SLC43A2: variants seen among roughly 807,000 people sequenced by gnomAD.
SLC43A2 encodes solute carrier family 43 member 2.
In SLC43A2, 38 loss-of-function variants were observed where a neutral mutation model predicts 63.2. The observed-to-expected ratio is 0.60, with a 90% CI of 0.46 to 0.79. The LOEUF (loss-of-function observed/expected upper bound fraction) is 0.79, where lower values mean the gene tolerates loss of function less well. Ranked by LOEUF, SLC43A2 falls within the 30% of genes least tolerant of loss-of-function variation. SLC43A2 has a pLI of 0.00. For synonymous variants in SLC43A2, 322 were observed against 331.0 expected (o/e 0.97, Z 0.30); for missense variants, 644 against 756.2 (o/e 0.85, Z 1.74).
chr17:1,587,362 C>T (rs1255046470), intron 9 of SLC43A2, among the ~76,000 whole-genome samples: 1 of 152,230 alleles, frequency 6.6e-6, no homozygotes, highest in African/African-American at 2.4e-5. Context: ...GGCTCTGTCA[C>T]ATCTACCTCC....
chr17:1,591,973 C>T (rs1904857545), intron 6 of SLC43A2, among the ~76,000 whole-genome samples: 1 of 152,362 alleles, frequency 6.6e-6, no homozygotes, highest in South Asian at 2.1e-4. Context: ...GACCACGGCA[C>T]GTCTTGCAGG....
Position 1,583,640 on chromosome 17 carries a change from C to A in SLC43A2, c.1218-304G>T. 1 of 311,708 alleles carries A rather than the reference C, an allele frequency of 3.2e-6. No individual in the cohort carries two copies. The highest frequency in any genetic ancestry group is 4.5e-5 in the Admixed American group (1 of 22,172). 19.3% of individuals were successfully genotyped at this position (311,708 alleles called of 1,614,324 possible). The stretch of plus-strand genomic sequence containing the variant: ...CGGGGAGAGAAGTAGCAGCGTGTGC[C>A]TGAGCTGGCACATGGCAAAGCCTCA... On this transcript the variant is annotated intron_variant, in intron 10 of 13. Coordinates refer to ENST00000301335, the MANE Select transcript of SLC43A2 (RefSeq NM_152346.3). This position sits in a 1 kb window ranked among gnomAD's most constrained non-coding sequence, Gnocchi z 5.5.
At chr17:1,614,679 C>T (rs1907429110) in intron 4 of SLC43A2, among the ~76,000 whole-genome samples, 1 of 152,132 alleles carries the variant, frequency 6.6e-6, no homozygotes, top group South Asian at 2.1e-4. Context: ...TGACCATGCC[C>T]CTGCAGCCGG....
At chr17:1,597,378 A>C (rs917691065) in intron 5 of SLC43A2, among the ~76,000 whole-genome samples, 3 of 143,664 alleles carry the variant, frequency 2.1e-5, no homozygotes, top group African/African-American at 7.9e-5. Context: ...GGTGACGTGC[A>C]CCTGTAATCC....
At chr17:1,615,614 C>T (rs1169195245) in intron 3 of SLC43A2, among the ~76,000 whole-genome samples, 115 of 149,998 alleles carry the variant, frequency 7.7e-4, no homozygotes, top group East Asian at 5.2e-3. Context: ...GAGGCCGAGG[C>T]GGGCAGATCA....
intron 3 of SLC43A2, 38 bp from the exon 4 acceptor site, chr17:1,615,072 T>C: frequency 6.2e-7 from 1 of 1,612,396 alleles, no homozygotes; most frequent in Non-Finnish European, 8.5e-7. Flanking sequence ...TTTACCATTA[T>C]GACTTTATTC....
At chr17:1,591,724 T>TGGGGGGGGGCGGGGG in intron 6 of SLC43A2, 25 bp from the exon 7 acceptor site, 1 of 218,406 alleles carries the variant, frequency 4.6e-6, no homozygotes. Context: ...GGGGACGGGG[T>TGGGGGGGGGCGGGGG]GGGGGGGGGA....
intron 5 of SLC43A2, among the ~76,000 whole-genome samples, chr17:1,595,097 A>G (rs1441643517): frequency 6.6e-6 from 1 of 151,912 alleles, no homozygotes. Flanking sequence ...CCTGGCAAAC[A>G]TGGCGAAACC....
At chr17:1,628,077 G>C in intron 1 of SLC43A2, 157 bp from the exon 2 acceptor site, 5 of 688,504 alleles carry the variant, frequency 7.3e-6, no homozygotes, top group Non-Finnish European at 9.9e-6. Flanking sequence ...AGCCCTGCCC[G>C]GACCTGGGAC....
chr17:1,582,401 G>T (rs982105103), intron 11 of SLC43A2, among the ~76,000 whole-genome samples: 1 of 152,176 alleles, frequency 6.6e-6, no homozygotes, highest in African/African-American at 2.4e-5. Flanking sequence ...ATCCAGATAT[G>T]AAGCCACCAT....
At chr17:1,587,132 G>A (rs938773438) in intron 9 of SLC43A2, among the ~76,000 whole-genome samples, 10 of 152,270 alleles carry the variant, frequency 6.6e-5, no homozygotes, top group Admixed American at 6.5e-5. Flanking sequence ...GACTCGGGGC[G>A]CTCAGGGGAG....
intron 9 of SLC43A2, among the ~76,000 whole-genome samples, chr17:1,587,293 G>A (rs979952661): frequency 6.6e-6 from 1 of 152,208 alleles, no homozygotes; most frequent in African/African-American, 2.4e-5. Context: ...GGGAAGTGGC[G>A]GGCATGCGGA....
rs527693356 is a variant in SLC43A2 at position 1,569,488 on chromosome 17, C to G, written c.*6116G>C. On this transcript the variant is annotated 3_prime_UTR_variant, in exon 14 of 14. Coordinates refer to ENST00000301335, the MANE Select transcript of SLC43A2 (RefSeq NM_152346.3). ...TTTCCAGCAATGGAAAGGGATTCAGCGAGGTAAGACGCTTCCCCTCTCCTC... is the reference window on the plus strand; with the variant it reads ...TTTCCAGCAATGGAAAGGGATTCAGGGAGGTAAGACGCTTCCCCTCTCCTC... The G allele has an allele frequency of 6.6e-6, 1 of 152,228 alleles. No individual in the cohort carries two copies. The highest frequency in any genetic ancestry group is 2.1e-4 in the South Asian group (1 of 4,832). The allele number at this position is 152,228 out of a possible 1,614,324, so 9.4% of individuals were successfully genotyped here.
intron 3 of SLC43A2, among the ~76,000 whole-genome samples, chr17:1,615,695 T>C (rs1211964531): frequency 6.7e-6 from 1 of 148,236 alleles, no homozygotes; most frequent in Non-Finnish European, 1.5e-5. Flanking sequence ...TACAAAAAAT[T>C]AGCCGGGCGT....
chr17:1,623,199 C>T (rs1908328594), intron 2 of SLC43A2, among the ~76,000 whole-genome samples: 1 of 152,220 alleles, frequency 6.6e-6, no homozygotes, highest in South Asian at 2.1e-4. Context: ...GGGGATCAAG[C>T]CTGGGCCTGC....
chr17:1,583,277 C>G lies in SLC43A2; in HGVS notation c.1277G>C (p.Arg426Pro). The G allele has an allele frequency of 1.2e-6, 2 of 1,614,164 alleles. No homozygotes were observed. Among genetic ancestry groups the G allele is most frequent in the South Asian group, 2.2e-5 (2 of 91,082 alleles). ...RQIQKITNAM[R>P]AFAFTNLLLV... ...CAGCAGGTTGGTGAAGGCGAAGGCC[C>G]GCATGGCATTAGTGATCTTCTGGAT... The change falls in exon 11 of 14, where the codon CGG (arginine) becomes CCG (proline). Residue 426 changes from arginine (R) to proline (P), a missense_variant. By Grantham distance (103) the Arg-to-Pro change is moderately radical (BLOSUM62 -2). This residue lies in a region of SLC43A2 where 528 missense variants were observed against 623.6 expected (regional missense o/e 0.85). Transcript: ENST00000301335. This position sits in a 1 kb window ranked among gnomAD's most constrained non-coding sequence, Gnocchi z 5.5.
chr17:1,628,066 C>T (rs1908855644), intron 1 of SLC43A2, 146 bp from the exon 2 acceptor site: 1 of 818,106 alleles, frequency 1.2e-6, no homozygotes, highest in Non-Finnish European at 1.6e-6. Context: ...AAGCGAACCC[C>T]AGCCCTGCCC....
chr17:1,573,284 G>C lies in SLC43A2; in HGVS notation c.*2320C>G, dbSNP rs2075873910. 1 of 151,934 alleles carries C rather than the reference G, an allele frequency of 6.6e-6. No homozygotes were observed. Among genetic ancestry groups the C allele is most frequent in the Non-Finnish European group, 1.5e-5 (1 of 68,022 alleles). The allele number at this position is 151,934 out of a possible 1,614,324, so 9.4% of individuals were successfully genotyped here. ...TCCTGTGTGATGGCGGGTCTCAAAT[G>C]CTGGCAGCAGAGTCACCGGTCAGCG... On this transcript the variant is annotated 3_prime_UTR_variant, in exon 14 of 14. Coordinates refer to ENST00000301335, the MANE Select transcript of SLC43A2 (RefSeq NM_152346.3).
chr17:1,627,646 G>GCCCCCCACCCCCCCCCCCCCCAAGCC, intron 2 of SLC43A2, 69 bp downstream of exon 2: 1 of 733,230 alleles, frequency 1.4e-6, no homozygotes, highest in Non-Finnish European at 2.1e-6. Context: ...CTAGGTCTTC[G>GCCCCCCACCCCCCCCCCCCCCAAGCC]CCCCCATCCC....
Sources: gnomAD v4.1 joint callset for allele counts (sites outside exome capture counted in the v4.1 genomes callset) on GRCh38, gnomAD v4.1.1 for gene constraint, gnomAD v4.1.1 regional missense constraint, Gnocchi (gnomAD v3.1) non-coding constraint, MANE v1.5 for transcripts, NCBI Gene and HGNC (gene_info 2026-07-23, HGNC 2026-07-21) for gene names.